Variants in TRMU observed in about 807,000 individuals in gnomAD.
TRMU encodes the protein mitochondrial tRNA-specific 2-thiouridylase 1.
A neutral mutation model predicts 46.9 loss-of-function variants in TRMU; 49 were observed. That is an observed-to-expected ratio of 1.05 (90% CI 0.83 to 1.33). The LOEUF (loss-of-function observed/expected upper bound fraction) is 1.33. Among genes scored for constraint, TRMU ranks in the 40% most tolerant of loss-of-function variants. The pLI, the probability that TRMU is intolerant of heterozygous loss-of-function variation, is 0.00. For synonymous variants in TRMU, 241 were observed against 200.9 expected, an observed-to-expected ratio of 1.20 and a Z score of -1.69; for missense variants, 572 against 532.4, an observed-to-expected ratio of 1.07 and a Z score of -0.73.
At chr22:46,355,832 C>A in intron 9 of TRMU, 158 bp from the exon 10 acceptor site, 1 of 1,012,002 alleles carries the variant, frequency 9.9e-7, no homozygotes, top group Non-Finnish European at 1.5e-6. Context: ...CACTGCCCCG[C>A]AGTGTCCTGC....
chr22:46,353,620 G>A, intron 7 of TRMU, 147 bp from the exon 8 acceptor site: 2 of 715,642 alleles, frequency 2.8e-6, no homozygotes, highest in Non-Finnish European at 5.0e-6. Context: ...GCTGGCTTTG[G>A]TGGTTGGAGA....
intron 10 of TRMU, chr22:46,356,427 G>A (rs769984055): frequency 9.4e-6 from 4 of 427,594 alleles, no homozygotes; most frequent in South Asian, 7.6e-5. Flanking sequence ...AGCTCCCAGG[G>A]TGGGCGCCTG....
chr22:46,350,438 T>G lies in TRMU; in HGVS notation c.626T>G (p.Leu209Arg). Residue 209 changes from leucine (L) to arginine (R), a missense_variant, in exon 5 of 11, where the codon CTT (leucine) becomes CGT (arginine). Physicochemically the swap from Leu to Arg is moderately radical, Grantham distance 102. Transcript: ENST00000645190. This position sits in a 1 kb window ranked among gnomAD's most constrained non-coding sequence, Gnocchi z 4.6. ...AAGAAAATCGCTGCTGAGAATAGAC[T>G]TCATCATGTGCTTCAGAAGAAAGAG... ...FVKKIAAENR[L>R]HHVLQKKESM... 6.2e-7 allele frequency: 1 copy of G among 1,613,886 alleles called. No individual in the cohort carries two copies.
chr22:46,341,815 A>G (rs2078130033), intron 2 of TRMU, among the ~76,000 whole-genome samples: 1 of 152,180 alleles, frequency 6.6e-6, no homozygotes. Flanking sequence ...CACTTTAAGC[A>G]CCCAAGAGTT....
intron 2 of TRMU, among the ~76,000 whole-genome samples, chr22:46,341,826 T>A (rs2078130429): frequency 6.6e-6 from 1 of 152,210 alleles, no homozygotes; most frequent in Admixed American, 6.5e-5. Flanking sequence ...CCCAAGAGTT[T>A]GCTAGTTCTC....
At position 46,338,083 on chromosome 22, in the gene TRMU, G is replaced by A; in HGVS notation, c.248+139G>A. The A allele has an allele frequency of 1.6e-6, 2 of 1,224,018 alleles. No individual in the cohort carries two copies. Among genetic ancestry groups the A allele is most frequent in the Non-Finnish European group, 2.4e-6 (2 of 840,034 alleles). The allele number at this position is 1,224,018 out of a possible 1,614,324, so 75.8% of individuals were successfully genotyped here. ...CACGGTGGTGCTGAAGACTGCAAGA[G>A]GCCTCAGCCACCCTCGGGGCTCTGT... On this transcript the variant is annotated intron_variant, in intron 2 of 10. Coordinates refer to ENST00000645190, the MANE Select transcript of TRMU (RefSeq NM_018006.5). This position sits in a 1 kb window ranked among gnomAD's most constrained non-coding sequence, Gnocchi z 4.5.
In TRMU at chr22:46,352,909, A is replaced by G. The variant is rs1359549261; in HGVS notation, c.772+579A>G. 10 of 203,726 alleles carry G rather than the reference A, an allele frequency of 4.9e-5. No individual in the cohort carries two copies. In the Admixed American group the frequency reaches 5.2e-4, roughly 11 times the overall value. 12.6% of individuals were successfully genotyped at this position (203,726 alleles called of 1,614,324 possible). A position where few individuals can be genotyped will look rare whatever the true frequency, so the allele number is the denominator to read the frequency against. On this transcript the variant is annotated intron_variant, in intron 7 of 10. Coordinates refer to ENST00000645190, the MANE Select transcript of TRMU (RefSeq NM_018006.5). ...AGTGCAGCCATTGTTGGGTTAGTAC[A>G]GTGGCGGGGATGTGCCTGCCGGCGT... is the stretch of plus-strand genomic sequence containing the variant.
chr22:46,342,850 C>T lies in TRMU; in HGVS notation c.249-412C>T, dbSNP rs960770079. On this transcript the variant is annotated intron_variant, in intron 2 of 10. Coordinates refer to ENST00000645190, the MANE Select transcript of TRMU (RefSeq NM_018006.5). The surrounding 1 kb of genome is among the most constrained non-coding windows in gnomAD (Gnocchi z 4.7). ...CTGCGCACCTGTAATCACAGCTATT[C>T]GGAAGGCTGAGGTGGGAGAATCTGC... 5.3e-5 allele frequency among the ~76,000 whole-genome samples: 8 copies of T among 152,258 alleles called. No individual in the cohort carries two copies. Among genetic ancestry groups the T allele is most frequent in the African/African-American group, 1.2e-4 (5 of 41,478 alleles).
Position 46,349,918 on chromosome 22 carries a change from G to C in TRMU, c.479-373G>C, listed in dbSNP as rs1425023064. Among the ~76,000 whole-genome samples the C allele has an allele frequency of 6.6e-6, 1 of 151,948 alleles. No homozygotes were observed. The highest frequency in any genetic ancestry group is 1.9e-4 in the East Asian group (1 of 5,192). ...AGGCACAGCTGACACTATATCAGTG[G>C]AATTTTCTGCCAGCAACTAGCTTAC... On this transcript the variant is annotated intron_variant, in intron 4 of 10. Transcript: ENST00000645190. This position sits in a 1 kb window ranked among gnomAD's most constrained non-coding sequence, Gnocchi z 4.6.
intron 8 of TRMU, chr22:46,354,156 C>A: frequency 5.3e-6 from 2 of 375,104 alleles, no homozygotes; most frequent in South Asian, 4.3e-5. Context: ...ACGCCCAGAG[C>A]TTGGGTGGCT....
intron 7 of TRMU, 43 bp downstream of exon 7, chr22:46,352,373 G>C (rs1403338596): frequency 6.2e-7 from 1 of 1,606,160 alleles, no homozygotes. Context: ...AATGCCTAGA[G>C]CTGTGGCGTT....
At position 46,342,724 on chromosome 22, in the gene TRMU, G is replaced by A. The variant is rs2078153599; in HGVS notation, c.249-538G>A. 6.6e-6 allele frequency among the ~76,000 whole-genome samples: 1 copy of A among 152,264 alleles called. No homozygotes were observed. The highest frequency in any genetic ancestry group is 1.5e-5 in the Non-Finnish European group (1 of 68,052). Reference sequence around the variant, plus strand: ...TCTAATTCCAGCATTTTGGGAGGCTGAGGCGGGCAGATCACTTGAGGCCAG... The same window carrying A: ...TCTAATTCCAGCATTTTGGGAGGCTAAGGCGGGCAGATCACTTGAGGCCAG... On this transcript the variant is annotated intron_variant, in intron 2 of 10. Coordinates refer to ENST00000645190, the MANE Select transcript of TRMU (RefSeq NM_018006.5). The surrounding 1 kb of genome is among the most constrained non-coding windows in gnomAD (Gnocchi z 4.7).
chr22:46,343,413 T>G (rs2078174702), intron 3 of TRMU, 45 bp downstream of exon 3: 1 of 1,393,018 alleles, frequency 7.2e-7, no homozygotes, highest in Non-Finnish European at 1.0e-6. Flanking sequence ...AAAGACAGGG[T>G]CTCGCTCTGT....
intron 3 of TRMU, among the ~76,000 whole-genome samples, chr22:46,345,920 A>C (rs2078243761): frequency 6.6e-6 from 1 of 151,858 alleles, no homozygotes; most frequent in Admixed American, 6.6e-5. Context: ...GGTGTGCCCC[A>C]CCACGCCTGG....
In TRMU at chr22:46,355,443, G is replaced by T; in HGVS notation, c.874-1G>T. On this transcript the variant is annotated splice_acceptor_variant, in intron 8 of 10. Coordinates refer to ENST00000645190, the MANE Select transcript of TRMU (RefSeq NM_018006.5). LOFTEE classifies it high-confidence loss of function. ...CCCCACCTTCACATTCCATTCTGCA[G>T]GCCCCCCGGACAGACCACCCAGCCC... 6.2e-7 allele frequency: 1 copy of T among 1,612,504 alleles called. No homozygotes were observed. The highest frequency in any genetic ancestry group is 8.5e-7 in the Non-Finnish European group (1 of 1,179,542).
chr22:46,341,998 A>T (rs2078134656), intron 2 of TRMU, among the ~76,000 whole-genome samples: 1 of 152,186 alleles, frequency 6.6e-6, no homozygotes, highest in Admixed American at 6.5e-5. Context: ...TCCTCACGGA[A>T]GAAGGCTTCT....
rs996010707 is a variant in TRMU at position 46,349,245 on chromosome 22, G to A, written c.479-1046G>A. Reference sequence around the variant, plus strand: ...CAGTTCTGCTGTTTGTACCTGCCAAGTAAGGGAGGGGGACTCGGGAGGCTG... The same window carrying A: ...CAGTTCTGCTGTTTGTACCTGCCAAATAAGGGAGGGGGACTCGGGAGGCTG... On this transcript the variant is annotated intron_variant, in intron 4 of 10. Coordinates refer to ENST00000645190, the MANE Select transcript of TRMU (RefSeq NM_018006.5). This position sits in a 1 kb window ranked among gnomAD's most constrained non-coding sequence, Gnocchi z 4.6. Among the ~76,000 whole-genome samples, 24 of 152,272 alleles carry A rather than the reference G, an allele frequency of 1.6e-4. No individual in the cohort carries two copies. The highest frequency in any genetic ancestry group is 5.5e-4 in the African/African-American group (23 of 41,546).
intron 1 of TRMU, 111 bp downstream of exon 1, chr22:46,335,957 G>T: frequency 2.0e-6 from 3 of 1,483,240 alleles, no homozygotes; most frequent in Non-Finnish European, 2.7e-6. Flanking sequence ...CGCTGGTTGC[G>T]CGCGGGTCGG....
intron 10 of TRMU, chr22:46,356,458 T>G: frequency 2.4e-6 from 1 of 408,700 alleles, no homozygotes; most frequent in Non-Finnish European, 4.5e-6. Flanking sequence ...GCCTGAGGAA[T>G]CTCCAGGGGC....
Sources: allele counts gnomAD v4.1 joint callset (sites outside exome capture counted in the v4.1 genomes callset), GRCh38; gene constraint gnomAD v4.1.1; non-coding constraint Gnocchi (gnomAD v3.1); transcripts MANE v1.5; gene names NCBI Gene and HGNC (gene_info 2026-07-23, HGNC 2026-07-21).